Variants in DAAM2 observed in about 807,000 individuals in gnomAD.
DAAM2 encodes the protein dishevelled associated activator of morphogenesis 2.
In DAAM2, 39 loss-of-function variants were observed where a neutral mutation model predicts 120.7. The observed-to-expected ratio is 0.32, with a 90% confidence interval of 0.25 to 0.42. DAAM2 has a LOEUF of 0.42. Ranked by LOEUF, DAAM2 falls within the 10% of genes least tolerant of loss-of-function variation. The probability of loss-of-function intolerance (pLI) is 1.00; values close to 1 mark genes in which losing one functional copy is unlikely to be tolerated. For missense variants in DAAM2, 1,283 were observed against 1,401.7 expected (o/e 0.92, Z 1.35); for synonymous variants, 488 against 524.9 (o/e 0.93, Z 0.96).
At position 39,847,640 on chromosome 6, in the gene DAAM2, T is replaced by G. The variant is rs1763648087; in HGVS notation, c.-56-8607T>G. Among the ~76,000 whole-genome samples the G allele has an allele frequency of 2.0e-5, 3 of 152,122 alleles. No homozygotes were observed. In the South Asian group the frequency reaches 6.2e-4, roughly 32 times the overall value. On this transcript the variant is annotated intron_variant, in intron 1 of 24. Transcript: ENST00000274867. ...GCTCTGTGTGTCCAGCCCCTCATCC[T>G]CTCACTCACGTGCCGGCACCCCTCC...
At chr6:39,876,774 A>G (rs1764889974) in intron 11 of DAAM2, among the ~76,000 whole-genome samples, 1 of 151,748 alleles carries the variant, frequency 6.6e-6, no homozygotes, top group Non-Finnish European at 1.5e-5. Flanking sequence ...TGTGTGTGAT[A>G]TTTGCCTTCT....
intron 1 of DAAM2, among the ~76,000 whole-genome samples, chr6:39,840,995 C>G (rs975670192): frequency 1.2e-4 from 6 of 50,130 alleles, no homozygotes; most frequent in African/African-American, 4.7e-4. Flanking sequence ...AGGAGGGGAT[C>G]TGGGGGGTAG....
At chr6:39,823,586 A>G (rs1429716254) in intron 1 of DAAM2, among the ~76,000 whole-genome samples, 1 of 152,166 alleles carries the variant, frequency 6.6e-6, no homozygotes, top group Non-Finnish European at 1.5e-5. Flanking sequence ...TCCCTGGAAC[A>G]CTGTGTGACT....
chr6:39,813,784 G>A (rs62401817), intron 1 of DAAM2, among the ~76,000 whole-genome samples: 27,519 of 152,108 alleles, frequency 0.18, 4,146 homozygotes, highest in East Asian at 0.61. Flanking sequence ...ACATTTGGCA[G>A]TTAATGTTTC....
chr6:39,864,386 G>A (rs373104947), intron 3 of DAAM2, 47 bp from the exon 4 acceptor site: 43 of 1,467,918 alleles, frequency 2.9e-5, no homozygotes, highest in Non-Finnish European at 4.0e-5. Flanking sequence ...CTCAGGCCAC[G>A]GGCCTGTCTT....
chr6:39,871,616 G>A (rs1172217633), intron 9 of DAAM2, 44 bp downstream of exon 9: 1 of 1,522,492 alleles, frequency 6.6e-7, no homozygotes, highest in African/African-American at 1.4e-5. Context: ...GGGTAGTAGG[G>A]TTCTTGGTGG....
chr6:39,822,024 T>G (rs1582621311), intron 1 of DAAM2: 1 of 152,550 alleles, frequency 6.6e-6, no homozygotes, highest in East Asian at 1.9e-4. Context: ...AGGAGGCAGG[T>G]CTGCCAAGGG....
intron 3 of DAAM2, among the ~76,000 whole-genome samples, chr6:39,863,227 C>T (rs974117682): frequency 6.6e-6 from 1 of 151,864 alleles, no homozygotes; most frequent in African/African-American, 2.4e-5. Context: ...AAATGACGAG[C>T]CAGCAAGTTT....
At chr6:39,853,550 C>A (rs1225360328) in intron 1 of DAAM2, among the ~76,000 whole-genome samples, 1 of 152,200 alleles carries the variant, frequency 6.6e-6, no homozygotes, top group Non-Finnish European at 1.5e-5. Flanking sequence ...AGGCCCTGGC[C>A]AGTCAGAGCA....
At chr6:39,859,702 C>T (rs1283800239) in intron 2 of DAAM2, among the ~76,000 whole-genome samples, 1 of 152,084 alleles carries the variant, frequency 6.6e-6, no homozygotes, top group Admixed American at 6.5e-5. Context: ...TTTAGATTTA[C>T]TGGTTTAAAA....
chr6:39,864,289 G>A lies in DAAM2; in HGVS notation c.259-144G>A, dbSNP rs543221165. ...TCACCAAGGGAGAAATGGAAGCCTG[G>A]GGGAGAGTGTAATTTCCTCCAACCC... On this transcript the variant is annotated intron_variant, in intron 3 of 24. Transcript: ENST00000274867. The A allele has an allele frequency of 4.2e-5, 26 of 621,196 alleles. No individual in the cohort carries two copies. The East Asian group carries it at 7.0e-4, about 17-fold the overall frequency. 38.5% of individuals were successfully genotyped at this position (621,196 alleles called of 1,614,324 possible).
intron 3 of DAAM2, chr6:39,862,236 A>C (rs1764240202): frequency 6.6e-6 from 1 of 152,234 alleles, no homozygotes; most frequent in Non-Finnish European, 1.5e-5. Flanking sequence ...AGGACCTGTG[A>C]CAAGAGGCAT....
intron 1 of DAAM2, among the ~76,000 whole-genome samples, chr6:39,852,337 C>T (rs891440194): frequency 3.3e-5 from 5 of 152,196 alleles, no homozygotes; most frequent in African/African-American, 9.7e-5. Flanking sequence ...TCACCTTCTC[C>T]TCTCCCTGTC....
At chr6:39,898,966 T>C (rs2149377840) in intron 22 of DAAM2, 29 bp downstream of exon 22, 1 of 1,579,512 alleles carries the variant, frequency 6.3e-7, no homozygotes, top group African/African-American at 1.3e-5. Context: ...CCTACCTGGG[T>C]GAGGGCTGCT....
chr6:39,833,365 T>G (rs1276503028), intron 1 of DAAM2, among the ~76,000 whole-genome samples: 6 of 152,074 alleles, frequency 3.9e-5, no homozygotes, highest in African/African-American at 1.4e-4. Context: ...AATGCAGTGG[T>G]GTGATCTCAG....
chr6:39,883,752 G>A lies in DAAM2; in HGVS notation c.1846-210G>A, dbSNP rs1021407570. 14 of 538,626 alleles carry A rather than the reference G, an allele frequency of 2.6e-5. No individual in the cohort carries two copies. The South Asian group carries it at 3.7e-4, about 14-fold the overall frequency. 33.4% of individuals were successfully genotyped at this position (538,626 alleles called of 1,614,324 possible). A position where few individuals can be genotyped will look rare whatever the true frequency, so the allele number is the denominator to read the frequency against. On this transcript the variant is annotated intron_variant, in intron 14 of 24. Coordinates refer to ENST00000274867, the MANE Select transcript of DAAM2 (RefSeq NM_001201427.2). ...ACATGTGGCTCCATGCACAAGGGAG[G>A]AAAAGGGGGTTGTCTCTGGCCTCTA... is the stretch of plus-strand genomic sequence containing the variant.
intron 2 of DAAM2, among the ~76,000 whole-genome samples, chr6:39,856,715 C>T (rs1367326140): frequency 1.3e-5 from 2 of 152,196 alleles, no homozygotes; most frequent in Non-Finnish European, 2.9e-5. Context: ...TTGTAGACCA[C>T]ATGGTGCAGT....
intron 1 of DAAM2, among the ~76,000 whole-genome samples, chr6:39,827,618 C>T (rs1486076541): frequency 6.6e-6 from 1 of 152,142 alleles, no homozygotes; most frequent in African/African-American, 2.4e-5. Flanking sequence ...GCTTCAGAAA[C>T]AGTGGCTGGA....
At chr6:39,831,798 G>A (rs114938516) in intron 1 of DAAM2, among the ~76,000 whole-genome samples, 6 of 62,898 alleles carry the variant, frequency 9.5e-5, no homozygotes, top group African/African-American at 3.7e-4. Flanking sequence ...GGTGCACTGG[G>A]GGGGGGCAGG....
Sources: allele counts gnomAD v4.1 joint callset (sites outside exome capture counted in the v4.1 genomes callset), GRCh38; gene constraint gnomAD v4.1.1; transcripts MANE v1.5; gene names NCBI Gene and HGNC (gene_info 2026-07-23, HGNC 2026-07-21).